Variants in GRIA3 observed in about 807,000 individuals in gnomAD.
GRIA3 encodes glutamate ionotropic receptor AMPA type subunit 3.
Under a neutral mutation model 63.0 loss-of-function variants are expected in GRIA3, and 3 were observed. The ratio of observed to expected loss-of-function variants is 0.05; its 90% confidence interval spans 0.02 to 0.12. The LOEUF (loss-of-function observed/expected upper bound fraction) is 0.12, where lower values mean the gene tolerates loss of function less well. GRIA3 is among the 10% of genes least tolerant of loss of function. The probability of loss-of-function intolerance (pLI) is 1.00; values close to 1 mark genes in which losing one functional copy is unlikely to be tolerated. For missense variants in GRIA3, 347 were observed against 700.9 expected (o/e 0.50, Z 5.70); for synonymous variants, 274 against 257.9 (o/e 1.06, Z -0.60).
At position 123,482,996 on chromosome X, in the gene GRIA3, A is replaced by G. The variant is rs1320420713; in HGVS notation, c.2637A>G (p.Thr879=). 8.3e-7 allele frequency: 1 copy of G among 1,204,044 alleles called. No individual in the cohort carries two copies. The highest frequency in any genetic ancestry group is 3.0e-5 in the East Asian group (1 of 33,782). ...APATNTQNYA[T]YREGYNVYGT... is the part of the protein sequence containing the mutation. ...CCACCAACACTCAGAATTATGCTACATACAGAGAAGGCTACAACGTGTATG... is the reference window on the plus strand; with the variant it reads ...CCACCAACACTCAGAATTATGCTACGTACAGAGAAGGCTACAACGTGTATG... The change falls in exon 15 of 16, where the codon ACA becomes ACG. Residue 879 remains threonine, a synonymous_variant. Coordinates refer to ENST00000620443, the MANE Select transcript of GRIA3 (RefSeq NM_007325.5).
chrX:123,403,436 A>G lies in GRIA3; in HGVS notation c.1210A>G (p.Arg404Gly), dbSNP rs747435039. The G allele has an allele frequency of 5.9e-6, 7 of 1,188,850 alleles. No individual in the cohort carries two copies. In the East Asian group the frequency reaches 2.1e-4, roughly 35 times the overall value. ...RKAGYWNEYE[R>G]FVPFSDQQIS... ...GGCTGGCTACTGGAATGAGTATGAA[A>G]GGTTTGTGCCTTTCTCAGATCAGCA... Residue 404 changes from arginine (R) to glycine (G), a missense_variant, in exon 9 of 16, where the codon AGG (arginine) becomes GGG (glycine). Arg to Gly is a moderately radical substitution (Grantham distance 125, BLOSUM62 -2). Transcript: ENST00000620443.
intron 3 of GRIA3, among the ~76,000 whole-genome samples, chrX:123,311,109 G>A (rs1039887092): frequency 1.8e-5 from 2 of 111,480 alleles, no homozygotes; most frequent in South Asian, 3.7e-4. Flanking sequence ...TTTTACAGAT[G>A]AGGAAACTGA....
intron 3 of GRIA3, among the ~76,000 whole-genome samples, chrX:123,316,191 G>T (rs1009213789): frequency 9.0e-6 from 1 of 110,822 alleles, no homozygotes; most frequent in African/African-American, 3.3e-5. Flanking sequence ...AATATATAAA[G>T]GCTCTTATAA....
At chrX:123,184,796 G>A (rs913554778) in intron 1 of GRIA3, 152 bp downstream of exon 1, 13 of 485,940 alleles carry the variant, frequency 2.7e-5, no homozygotes, top group Non-Finnish European at 4.8e-5. Context: ...GGGGCGGGGG[G>A]CGGGGCGGGG....
chrX:123,349,824 A>G (rs2045081409), intron 4 of GRIA3, among the ~76,000 whole-genome samples: 1 of 112,380 alleles, frequency 8.9e-6, no homozygotes, highest in African/African-American at 3.2e-5. Context: ...TCTGGTATGT[A>G]TTTACGAAGA....
At chrX:123,226,771 A>G (rs2044249913) in intron 2 of GRIA3, among the ~76,000 whole-genome samples, 1 of 111,759 alleles carries the variant, frequency 8.9e-6, no homozygotes, top group Admixed American at 9.5e-5. Context: ...CCCCATTGAG[A>G]TTTCAAAAGA....
At chrX:123,330,201 T>C (rs1052710441) in intron 4 of GRIA3, among the ~76,000 whole-genome samples, 1 of 112,374 alleles carries the variant, frequency 8.9e-6, no homozygotes, top group Non-Finnish European at 1.9e-5. Context: ...TGTTTTCACA[T>C]AGATAATCTG....
chrX:123,462,960 G>C (rs990091308), intron 12 of GRIA3, among the ~76,000 whole-genome samples: 4 of 111,292 alleles, frequency 3.6e-5, no homozygotes, highest in Non-Finnish European at 7.5e-5. Flanking sequence ...TTCTTTTATA[G>C]TCTCCAGAAT....
chrX:123,299,202 C>T (rs770033374), intron 3 of GRIA3, among the ~76,000 whole-genome samples: 12 of 111,352 alleles, frequency 1.1e-4, no homozygotes, highest in Non-Finnish European at 2.3e-4. Context: ...GATTGCTTGG[C>T]TATTCAGGCT....
intron 2 of GRIA3, among the ~76,000 whole-genome samples, chrX:123,219,943 C>T (rs1387845508): frequency 8.9e-6 from 1 of 112,222 alleles, no homozygotes; most frequent in Non-Finnish European, 1.9e-5. Context: ...TGGAGCAGAA[C>T]GTCCACGACC....
intron 3 of GRIA3, among the ~76,000 whole-genome samples, chrX:123,324,202 T>C (rs955997675): frequency 8.9e-6 from 1 of 112,247 alleles, no homozygotes; most frequent in African/African-American, 3.2e-5. Flanking sequence ...ATAAGACCAA[T>C]GAGTAGAGAT....
chrX:123,214,299 T>C (rs751852070), intron 2 of GRIA3, among the ~76,000 whole-genome samples: 94 of 111,835 alleles, frequency 8.4e-4, no homozygotes, highest in Non-Finnish European at 1.5e-3. Flanking sequence ...CAAACAGATT[T>C]AAGGTCTGTT....
chrX:123,289,428 AT>A (rs199705328), intron 3 of GRIA3, among the ~76,000 whole-genome samples: 9,598 of 103,226 alleles, frequency 0.093, 574 homozygotes, highest in East Asian at 0.34. Context: ...TTTAAAAAAA[AT>A]ATATATATAT....
In GRIA3 at chrX:123,489,465, C is replaced by T. The variant is rs962010186; in HGVS notation, c.*755C>T. 1 of 112,423 alleles carries T rather than the reference C, an allele frequency of 8.9e-6. No homozygotes were observed. The highest frequency in any genetic ancestry group is 1.9e-5 in the Non-Finnish European group (1 of 53,257). 9.3% of individuals were successfully genotyped at this position (112,423 alleles called of 1,213,427 possible). The stretch of plus-strand genomic sequence containing the variant: ...TCAAAGAAGAGATTTACAGAGCTTT[C>T]GAAATTGACTTTGTGTGTAGCAAGG... On this transcript the variant is annotated 3_prime_UTR_variant, in exon 16 of 16. Transcript: ENST00000620443.
At chrX:123,260,407 AGAC>A (rs1569409545) in intron 3 of GRIA3, among the ~76,000 whole-genome samples, 12 of 8,319 alleles carry the variant, frequency 1.4e-3, no homozygotes, top group African/African-American at 4.3e-3. Flanking sequence ...AAAGAAAGAC[AGAC>A]AGACAGACAG....
chrX:123,244,481 A>G (rs1362956138), intron 2 of GRIA3, among the ~76,000 whole-genome samples: 4 of 112,767 alleles, frequency 3.5e-5, no homozygotes, highest in African/African-American at 1.3e-4. Context: ...GTAGGCTTGG[A>G]AGAGTCCAGA....
At chrX:123,296,157 G>A (rs2044684291) in intron 3 of GRIA3, among the ~76,000 whole-genome samples, 1 of 110,684 alleles carries the variant, frequency 9.0e-6, no homozygotes, top group African/African-American at 3.3e-5. Flanking sequence ...CACTAACACT[G>A]GTACAATTAA....
intron 2 of GRIA3, among the ~76,000 whole-genome samples, chrX:123,217,048 C>T (rs757468047): frequency 5.4e-5 from 6 of 111,807 alleles, no homozygotes; most frequent in South Asian, 3.8e-4. Context: ...TGACAGGGAC[C>T]ATGGACATTT....
intron 12 of GRIA3, among the ~76,000 whole-genome samples, chrX:123,448,123 G>T: frequency 8.9e-6 from 1 of 111,827 alleles, no homozygotes; most frequent in East Asian, 2.8e-4. Flanking sequence ...AATAAAGTAT[G>T]GTTCTTAAAT....
Sources: allele counts gnomAD v4.1 joint callset (sites outside exome capture counted in the v4.1 genomes callset), GRCh38; gene constraint gnomAD v4.1.1; transcripts MANE v1.5; gene names NCBI Gene and HGNC (gene_info 2026-07-23, HGNC 2026-07-21).